The following EN2 variants were observed in gnomAD, a reference collection of about 807,000 sequenced individuals.
EN2 encodes the protein engrailed homeobox 2.
EN2 carries 7 observed loss-of-function variants against 25.0 expected under a neutral mutation model. That is an observed-to-expected ratio of 0.28 (90% CI 0.16 to 0.53). The LOEUF (loss-of-function observed/expected upper bound fraction) is 0.53. EN2 is among the 20% of genes least tolerant of loss of function. EN2 has a pLI of 0.96. For synonymous variants in EN2, 277 were observed against 243.3 expected (o/e 1.14, Z -1.29); for missense variants, 524 against 501.8 (o/e 1.04, Z -0.42).
At position 155,462,941 on chromosome 7, in the gene EN2, C is replaced by A; in HGVS notation, c.*254C>A. On this transcript the variant is annotated 3_prime_UTR_variant, in exon 2 of 2. Coordinates refer to ENST00000297375, the MANE Select transcript of EN2 (RefSeq NM_001427.4). ...ATTTTATGGGTTTTTTTCTTTTTTG[C>A]GAAGGGGGCTGCTTAGGGTTTCACC... 2.8e-6 allele frequency: 1 copy of A among 360,608 alleles called. No homozygotes were observed. The highest frequency in any genetic ancestry group is 4.8e-6 in the Non-Finnish European group (1 of 209,858). The allele number at this position is 360,608 out of a possible 1,614,324, so 22.3% of individuals were successfully genotyped here. A position where few individuals can be genotyped will look rare whatever the true frequency, so the allele number is the denominator to read the frequency against.
Position 155,462,848 on chromosome 7 carries a change from G to A in EN2, c.*161G>A. The A allele has an allele frequency of 3.5e-6, 3 of 846,932 alleles. No individual in the cohort carries two copies. The highest frequency in any genetic ancestry group is 4.9e-6 in the Non-Finnish European group (3 of 606,884). 52.5% of individuals were successfully genotyped at this position (846,932 alleles called of 1,614,324 possible). On this transcript the variant is annotated 3_prime_UTR_variant, in exon 2 of 2. Coordinates refer to ENST00000297375, the MANE Select transcript of EN2 (RefSeq NM_001427.4). Reference sequence around the variant, plus strand: ...TCTATGTATATATCATTTACAGGTGGTATAAAATCCAAAATATCTGACTAT... The same window carrying A: ...TCTATGTATATATCATTTACAGGTGATATAAAATCCAAAATATCTGACTAT...
rs1795731399 is a variant in EN2, at chr7:155,464,096, T to C, written c.*1409T>C. ...AAAGAACTCAGAATCCTCCAGGATC[T>C]AGAAGAAGGAAGAAAGTGTGTAAAT... On this transcript the variant is annotated 3_prime_UTR_variant, in exon 2 of 2. Coordinates refer to ENST00000297375, the MANE Select transcript of EN2 (RefSeq NM_001427.4). 6.6e-6 allele frequency: 1 copy of C among 152,228 alleles called. No homozygotes were observed. The highest frequency in any genetic ancestry group is 1.5e-5 in the Non-Finnish European group (1 of 68,042). The allele number at this position is 152,228 out of a possible 1,614,324, so 9.4% of individuals were successfully genotyped here. A position where few individuals can be genotyped will look rare whatever the true frequency, so the allele number is the denominator to read the frequency against.
chr7:155,458,508 G>A lies in EN2; in HGVS notation c.131G>A (p.Arg44His), dbSNP rs904157945. ...GSSPGEADTG[R>H]RRALMLPAVL... ...AGCCCGGGCGAAGCGGACACCGGGC[G>A]CCGGCGGGCTCTGATGCTGCCCGCG... Residue 44 changes from arginine to histidine, a missense_variant, in exon 1 of 2, where the codon CGC becomes CAC. Physicochemically the swap from Arg to His is conservative, Grantham distance 29. Coordinates refer to ENST00000297375, the MANE Select transcript of EN2 (RefSeq NM_001427.4). 7 of 1,326,584 alleles carry A rather than the reference G, an allele frequency of 5.3e-6. No homozygotes were observed. The highest frequency in any genetic ancestry group is 6.7e-6 in the Non-Finnish European group (7 of 1,037,148). The allele number at this position is 1,326,584 out of a possible 1,614,324, so 82.2% of individuals were successfully genotyped here. A position where few individuals can be genotyped will look rare whatever the true frequency, so the allele number is the denominator to read the frequency against.
intron 1 of EN2, among the ~76,000 whole-genome samples, chr7:155,460,016 GCGGAT>G (rs1246241350): frequency 1.3e-5 from 2 of 152,366 alleles, no homozygotes; most frequent in East Asian, 3.9e-4. Flanking sequence ...CGAGCTGGCA[GCGGAT>G]CCCCGCTGCC....
Position 155,459,007 on chromosome 7 carries a change from C to G in EN2, c.630C>G (p.Pro210=). ...CCGGCGCCAACCTGGGCGCGCAGCC[C>G]ATGCTCTGGCCGGCGTGGGTCTACT... ...SQAGANLGAQ[P]MLWPAWVYCT... The change falls in exon 1 of 2, where the codon CCC becomes CCG. Residue 210 remains proline (P), a synonymous_variant. Transcript: ENST00000297375. 6.4e-7 allele frequency: 1 copy of G among 1,572,062 alleles called. No homozygotes were observed. Among genetic ancestry groups the G allele is most frequent in the Non-Finnish European group, 8.6e-7 (1 of 1,168,532 alleles).
chr7:155,458,707 G>GGGA lies in EN2; in HGVS notation c.333_335dup (p.Gly114dup), dbSNP rs980226133. The GGGA allele has an allele frequency of 7.5e-7, 1 of 1,342,230 alleles. No homozygotes were observed. Among genetic ancestry groups the GGGA allele is most frequent in the Non-Finnish European group, 9.5e-7 (1 of 1,056,388 alleles). 83.1% of individuals were successfully genotyped at this position (1,342,230 alleles called of 1,614,324 possible). On this transcript the variant is annotated inframe_insertion, in exon 1 of 2. Transcript: ENST00000297375. ...GCGAAGGCGGCGCGAGCGGTGCGGAGGGAGGCGGCGGCGCGGGCGGCTCGG... is the reference window on the plus strand; with the variant it reads ...GCGAAGGCGGCGCGAGCGGTGCGGAGGGAGGAGGCGGCGGCGCGGGCGGCTCGG...
rs1795648516 is a variant in EN2, at chr7:155,458,225, T to C, written c.-153T>C. 9.4e-7 allele frequency: 1 copy of C among 1,064,526 alleles called. No homozygotes were observed. The highest frequency in any genetic ancestry group is 1.2e-6 in the Non-Finnish European group (1 of 825,782). The allele number at this position is 1,064,526 out of a possible 1,614,324, so 65.9% of individuals were successfully genotyped here. A position where few individuals can be genotyped will look rare whatever the true frequency, so the allele number is the denominator to read the frequency against. On this transcript the variant is annotated 5_prime_UTR_variant, in exon 1 of 2. Coordinates refer to ENST00000297375, the MANE Select transcript of EN2 (RefSeq NM_001427.4). Reference sequence around the variant, plus strand: ...CGCGCCGAGCGCGGCCGGCGACTTGTAGGACCTCAGCCCTGGCCGCGGCCG... The same window carrying C: ...CGCGCCGAGCGCGGCCGGCGACTTGCAGGACCTCAGCCCTGGCCGCGGCCG...
chr7:155,462,219 G>T, intron 1 of EN2, 152 bp from the exon 2 acceptor site: 2 of 837,386 alleles, frequency 2.4e-6, no homozygotes, highest in Non-Finnish European at 3.7e-6. Flanking sequence ...CCCATGCCCA[G>T]TCCGAAGTCT....
chr7:155,458,780 T>G lies in EN2; in HGVS notation c.403T>G (p.Cys135Gly). The G allele has an allele frequency of 7.2e-7, 1 of 1,387,200 alleles. No homozygotes were observed. 85.9% of individuals were successfully genotyped at this position (1,387,200 alleles called of 1,614,324 possible). Residue 135 changes from cysteine to glycine, a missense_variant, in exon 1 of 2, where the codon TGT (cysteine) becomes GGT (glycine). Transcript: ENST00000297375. The part of the protein sequence containing the change: ...GSREPRQNPP[C>G]APGAGGPLPA... Reference sequence around the variant, plus strand: ...CCGAGAGCCCCGGCAGAACCCGCCATGTGCGCCCGGCGCGGGCGGGCCGCT... The same window carrying G: ...CCGAGAGCCCCGGCAGAACCCGCCAGGTGCGCCCGGCGCGGGCGGGCCGCT...
chr7:155,462,328 C>G, intron 1 of EN2, 43 bp from the exon 2 acceptor site: 1 of 1,561,482 alleles, frequency 6.4e-7, no homozygotes, highest in Non-Finnish European at 8.6e-7. Flanking sequence ...GGTGGCACAC[C>G]TCTGGGTAAC....
In EN2 at chr7:155,458,810, G is replaced by A. The variant is rs1464338551; in HGVS notation, c.433G>A (p.Ala145Thr). The change falls in exon 1 of 2, where the codon GCC becomes ACC. Residue 145 changes from alanine to threonine, a missense_variant. Physicochemically the swap from Ala to Thr is moderately conservative, Grantham distance 58. Coordinates refer to ENST00000297375, the MANE Select transcript of EN2 (RefSeq NM_001427.4). ...GCCCGGCGCGGGCGGGCCGCTCCCA[G>A]CCGCCGGCAGCGACTCTCCGGGTGA... Reference protein sequence around the residue: ...CAPGAGGPLPAAGSDSPGDGE... With the variant: ...CAPGAGGPLPTAGSDSPGDGE... 7.1e-7 allele frequency: 1 copy of A among 1,406,154 alleles called. No individual in the cohort carries two copies. The highest frequency in any genetic ancestry group is 9.2e-7 in the Non-Finnish European group (1 of 1,091,780). The allele number at this position is 1,406,154 out of a possible 1,614,324, so 87.1% of individuals were successfully genotyped here. A position where few individuals can be genotyped will look rare whatever the true frequency, so the allele number is the denominator to read the frequency against.
chr7:155,459,141 T>C, intron 1 of EN2, 79 bp downstream of exon 1: 4 of 1,416,056 alleles, frequency 2.8e-6, no homozygotes, highest in Non-Finnish European at 3.7e-6. Flanking sequence ...GCGCGGGAAC[T>C]TACCGGGAGG....
At position 155,458,306 on chromosome 7, in the gene EN2, G is replaced by T. The variant is rs769757719; in HGVS notation, c.-72G>T. 2 of 1,253,304 alleles carry T rather than the reference G, an allele frequency of 1.6e-6. No homozygotes were observed. The highest frequency in any genetic ancestry group is 1.5e-5 in the African/African-American group (1 of 64,602). The allele number at this position is 1,253,304 out of a possible 1,614,324, so 77.6% of individuals were successfully genotyped here. On this transcript the variant is annotated 5_prime_UTR_variant, in exon 1 of 2. Coordinates refer to ENST00000297375, the MANE Select transcript of EN2 (RefSeq NM_001427.4). Reference sequence around the variant, plus strand: ...TGGGGGCGCGGGGGTCTCCGTGTGCGCCGCGGGAGGGCCGAAGGCTGATTT... The same window carrying T: ...TGGGGGCGCGGGGGTCTCCGTGTGCTCCGCGGGAGGGCCGAAGGCTGATTT...
chr7:155,463,924 G>T lies in EN2; in HGVS notation c.*1237G>T, dbSNP rs1384930410. The T allele has an allele frequency of 6.6e-6, 1 of 150,996 alleles. No homozygotes were observed. Among genetic ancestry groups the T allele is most frequent in the African/African-American group, 2.4e-5 (1 of 40,938 alleles). The allele number at this position is 150,996 out of a possible 1,614,324, so 9.4% of individuals were successfully genotyped here. ...TTTATTTTTTTCTTTTCTTGGAGTG[G>T]CTGCTTCTGCTATAGAGAACATTCT... On this transcript the variant is annotated 3_prime_UTR_variant, in exon 2 of 2. Transcript: ENST00000297375.
chr7:155,459,001 G>C lies in EN2; in HGVS notation c.624G>C (p.Ala208=), dbSNP rs1438476651. 1 of 1,565,396 alleles carries C rather than the reference G, an allele frequency of 6.4e-7. No homozygotes were observed. The highest frequency in any genetic ancestry group is 8.6e-7 in the Non-Finnish European group (1 of 1,165,638). ...DSSQAGANLG[A]QPMLWPAWVY... Reference sequence around the variant, plus strand: ...CGCAAGCCGGCGCCAACCTGGGCGCGCAGCCCATGCTCTGGCCGGCGTGGG... The same window carrying C: ...CGCAAGCCGGCGCCAACCTGGGCGCCCAGCCCATGCTCTGGCCGGCGTGGG... Residue 208 remains alanine, a synonymous_variant, in exon 1 of 2, where the codon GCG becomes GCC. Coordinates refer to ENST00000297375, the MANE Select transcript of EN2 (RefSeq NM_001427.4).
rs1795646728 is a variant in EN2 at position 155,458,159 on chromosome 7, C to G, written c.-219C>G. On this transcript the variant is annotated 5_prime_UTR_variant, in exon 1 of 2. Coordinates refer to ENST00000297375, the MANE Select transcript of EN2 (RefSeq NM_001427.4). ...CATCGTCTGGGCGAGCGGGGCGGCTCGTGGTGTTTCTAACCCAGTTCGTGG... is the reference window on the plus strand; with the variant it reads ...CATCGTCTGGGCGAGCGGGGCGGCTGGTGGTGTTTCTAACCCAGTTCGTGG... 1.1e-5 allele frequency: 5 copies of G among 448,656 alleles called. No individual in the cohort carries two copies. Among genetic ancestry groups the G allele is most frequent in the African/African-American group, 2.0e-5 (1 of 49,070 alleles). 27.8% of individuals were successfully genotyped at this position (448,656 alleles called of 1,614,324 possible). A position where few individuals can be genotyped will look rare whatever the true frequency, so the allele number is the denominator to read the frequency against.
At position 155,464,337 on chromosome 7, in the gene EN2, G is replaced by A. The variant is rs1400295624; in HGVS notation, c.*1650G>A. 6.6e-6 allele frequency: 1 copy of A among 152,486 alleles called. No homozygotes were observed. Among genetic ancestry groups the A allele is most frequent in the Non-Finnish European group, 1.5e-5 (1 of 68,052 alleles). 9.4% of individuals were successfully genotyped at this position (152,486 alleles called of 1,614,324 possible). On this transcript the variant is annotated 3_prime_UTR_variant, in exon 2 of 2. Transcript: ENST00000297375. ...CCAATCCAACTGTCCATCTGTGGCT[G>A]GGACAGCCCAGGGGGTGTGCCCACG...
In EN2 at chr7:155,458,137, C is replaced by T. The variant is rs1795646348; in HGVS notation, c.-241C>T. On this transcript the variant is annotated 5_prime_UTR_variant, in exon 1 of 2. Coordinates refer to ENST00000297375, the MANE Select transcript of EN2 (RefSeq NM_001427.4). ...GACTTGGCTCTGTTGAATCTCTCATCGTCTGGGCGAGCGGGGCGGCTCGTG... is the reference window on the plus strand; with the variant it reads ...GACTTGGCTCTGTTGAATCTCTCATTGTCTGGGCGAGCGGGGCGGCTCGTG... The T allele has an allele frequency of 9.9e-6, 4 of 404,626 alleles. No homozygotes were observed. The highest frequency in any genetic ancestry group is 1.7e-5 in the Non-Finnish European group (4 of 237,214). 25.1% of individuals were successfully genotyped at this position (404,626 alleles called of 1,614,324 possible). A position where few individuals can be genotyped will look rare whatever the true frequency, so the allele number is the denominator to read the frequency against.
rs1255454919 is a variant in EN2, at chr7:155,458,763, C to G, written c.386C>G (p.Pro129Arg). The G allele has an allele frequency of 7.3e-7, 1 of 1,369,598 alleles. No homozygotes were observed. Among genetic ancestry groups the G allele is most frequent in the African/African-American group, 1.5e-5 (1 of 65,090 alleles). 84.8% of individuals were successfully genotyped at this position (1,369,598 alleles called of 1,614,324 possible). A position where few individuals can be genotyped will look rare whatever the true frequency, so the allele number is the denominator to read the frequency against. ...EQLLGSGSREPRQNPPCAPGA... is the reference protein window; with the variant it reads ...EQLLGSGSRERRQNPPCAPGA... ...CTCTTGGGCTCGGGCTCCCGAGAGC[C>G]CCGGCAGAACCCGCCATGTGCGCCC... The change falls in exon 1 of 2, where the codon CCC (proline) becomes CGC (arginine). Residue 129 changes from proline to arginine, a missense_variant. Pro to Arg is a moderately radical substitution (Grantham distance 103). Coordinates refer to ENST00000297375, the MANE Select transcript of EN2 (RefSeq NM_001427.4).
Sources: allele counts gnomAD v4.1 joint callset (sites outside exome capture counted in the v4.1 genomes callset), GRCh38; gene constraint gnomAD v4.1.1; transcripts MANE v1.5; gene names NCBI Gene and HGNC (gene_info 2026-07-23, HGNC 2026-07-21).